CDPF1: variants seen among roughly 807,000 people sequenced by gnomAD.
CDPF1 encodes cysteine-rich DPF motif domain-containing protein 1.
In CDPF1, 8 loss-of-function variants were observed where a neutral mutation model predicts 8.3. The ratio of observed to expected loss-of-function variants is 0.96; its 90% confidence interval spans 0.57 to 1.74. CDPF1 has a LOEUF of 1.74. Ranked by LOEUF, CDPF1 falls within the 40% of genes most tolerant of loss-of-function variation. The probability of loss-of-function intolerance (pLI) is 0.00; values close to 1 mark genes in which losing one functional copy is unlikely to be tolerated. For synonymous variants in CDPF1, 62 were observed against 62.9 expected, an observed-to-expected ratio of 0.99 and a Z score of 0.07; for missense variants, 151 against 155.3, an observed-to-expected ratio of 0.97 and a Z score of 0.15.
rs769790725 is a variant in CDPF1 at position 46,247,097 on chromosome 22, G to A, written c.225+13C>T. ...GCAAGGACAGGTGGCCCCAGCCCAC[G>A]CTGCTTACCCACCGGGCCCACACAC... On this transcript the variant is annotated intron_variant, in intron 3 of 3. Transcript: ENST00000314567. This position sits in a 1 kb window ranked among gnomAD's most constrained non-coding sequence, Gnocchi z 4.3. The A allele has an allele frequency of 5.6e-6, 9 of 1,602,364 alleles. No homozygotes were observed. Among genetic ancestry groups the A allele is most frequent in the South Asian group, 4.4e-5 (4 of 90,686 alleles).
In CDPF1 at chr22:46,248,099, C is replaced by T; in HGVS notation, c.113+73G>A. 1 of 1,035,200 alleles carries T rather than the reference C, an allele frequency of 9.7e-7. No individual in the cohort carries two copies. The highest frequency in any genetic ancestry group is 1.5e-6 in the Non-Finnish European group (1 of 680,846). 64.1% of individuals were successfully genotyped at this position (1,035,200 alleles called of 1,614,324 possible). A position where few individuals can be genotyped will look rare whatever the true frequency, so the allele number is the denominator to read the frequency against. ...CTCCACACCTGAGACAGTTGTCAGA[C>T]CTAGGCACACCACCCACCAACCAGC... is the stretch of plus-strand genomic sequence containing the variant. On this transcript the variant is annotated intron_variant, in intron 2 of 3. Coordinates refer to ENST00000314567, the MANE Select transcript of CDPF1 (RefSeq NM_207327.5). The surrounding 1 kb of genome is among the most constrained non-coding windows in gnomAD (Gnocchi z 4.1).
Position 46,247,277 on chromosome 22 carries a change from C to A in CDPF1, c.114-56G>T. ...GCCCAAATCTCTGCCGTCGGAAAAT[C>A]AGCCATGACCTATGGCCAGGCAGCA... On this transcript the variant is annotated intron_variant, in intron 2 of 3. Coordinates refer to ENST00000314567, the MANE Select transcript of CDPF1 (RefSeq NM_207327.5). The surrounding 1 kb of genome is among the most constrained non-coding windows in gnomAD (Gnocchi z 4.3). 8.2e-7 allele frequency: 1 copy of A among 1,218,626 alleles called. No individual in the cohort carries two copies. Among genetic ancestry groups the A allele is most frequent in the East Asian group, 2.4e-5 (1 of 41,000 alleles). The allele number at this position is 1,218,626 out of a possible 1,614,324, so 75.5% of individuals were successfully genotyped here.
chr22:46,248,658 A>G lies in CDPF1; in HGVS notation c.1-374T>C, dbSNP rs1936529136. Among the ~76,000 whole-genome samples, 1 of 152,094 alleles carries G rather than the reference A, an allele frequency of 6.6e-6. No individual in the cohort carries two copies. Among genetic ancestry groups the G allele is most frequent in the Admixed American group, 6.6e-5 (1 of 15,264 alleles). Reference sequence around the variant, plus strand: ...GAGAAGGGCCCAGAGTGGGTGCAAAATCTCCTGTTTCTGCTGCTCCTAGAA... The same window carrying G: ...GAGAAGGGCCCAGAGTGGGTGCAAAGTCTCCTGTTTCTGCTGCTCCTAGAA... On this transcript the variant is annotated intron_variant, in intron 1 of 3. Coordinates refer to ENST00000314567, the MANE Select transcript of CDPF1 (RefSeq NM_207327.5). The surrounding 1 kb of genome is among the most constrained non-coding windows in gnomAD (Gnocchi z 4.1).
Position 46,246,543 on chromosome 22 carries a change from G to A in CDPF1, c.225+567C>T. The A allele has an allele frequency of 1.7e-6, 2 of 1,178,116 alleles. No individual in the cohort carries two copies. Among genetic ancestry groups the A allele is most frequent in the Non-Finnish European group, 1.2e-6 (1 of 844,644 alleles). The allele number at this position is 1,178,116 out of a possible 1,614,324, so 73.0% of individuals were successfully genotyped here. A position where few individuals can be genotyped will look rare whatever the true frequency, so the allele number is the denominator to read the frequency against. ...TCACTCTGAGTACACTGGGCACGCT[G>A]TGAAAGCCATGCTGCTCCACTTCCA... On this transcript the variant is annotated intron_variant, in intron 3 of 3. Transcript: ENST00000314567. This position sits in a 1 kb window ranked among gnomAD's most constrained non-coding sequence, Gnocchi z 7.1.
rs780434078 is a variant in CDPF1 at position 46,246,841 on chromosome 22, T to C, written c.225+269A>G. ...CTGGTGAGAGGGCGCACAAGGACTG[T>C]CTGCACTGTTGGTGGGAAGGGGAGG... On this transcript the variant is annotated intron_variant, in intron 3 of 3. Coordinates refer to ENST00000314567, the MANE Select transcript of CDPF1 (RefSeq NM_207327.5). This position sits in a 1 kb window ranked among gnomAD's most constrained non-coding sequence, Gnocchi z 7.1. 7 of 1,548,980 alleles carry C rather than the reference T, an allele frequency of 4.5e-6. No homozygotes were observed. The highest frequency in any genetic ancestry group is 6.1e-6 in the Non-Finnish European group (7 of 1,146,854).
In CDPF1 at chr22:46,249,763, T is replaced by C. The variant is rs1424971326; in HGVS notation, c.-1+493A>G. Among the ~76,000 whole-genome samples, 6 of 68,510 alleles carry C rather than the reference T, an allele frequency of 8.8e-5. No homozygotes were observed. The highest frequency in any genetic ancestry group is 3.4e-4 in the African/African-American group (6 of 17,394). 44.9% of individuals were successfully genotyped at this position (68,510 alleles called of 152,430 possible). A position where few individuals can be genotyped will look rare whatever the true frequency, so the allele number is the denominator to read the frequency against. ...GTAGGAGAATCGCTTGAGCGGGGGG[T>C]TGGGGAGCGGGGGCTGGGGGGGCGG... On this transcript the variant is annotated intron_variant, in intron 1 of 3. Transcript: ENST00000314567. The surrounding 1 kb of genome is among the most constrained non-coding windows in gnomAD (Gnocchi z 4.6).
At position 46,245,454 on chromosome 22, in the gene CDPF1, T is replaced by C. The variant is rs541721060; in HGVS notation, c.226-216A>G. ...AAAGCAATGCAGGCCTGGGCTACCC[T>C]GGGTGGGAACAGCTGGGATGGGACA... is the stretch of plus-strand genomic sequence containing the variant. On this transcript the variant is annotated intron_variant, in intron 3 of 3. Coordinates refer to ENST00000314567, the MANE Select transcript of CDPF1 (RefSeq NM_207327.5). The surrounding 1 kb of genome is among the most constrained non-coding windows in gnomAD (Gnocchi z 6.9). Among the ~76,000 whole-genome samples the C allele has an allele frequency of 1.1e-4, 17 of 152,160 alleles. No homozygotes were observed. Among genetic ancestry groups the C allele is most frequent in the Non-Finnish European group, 2.4e-4 (16 of 68,016 alleles).
rs77100661 is a variant in CDPF1 at position 46,246,802 on chromosome 22, A to T, written c.225+308T>A. Reference sequence around the variant, plus strand: ...GAGATCCCTCCAAGAACATCTAGAAAGTAAGTCACCATCCTGGTGAGAGGG... The same window carrying T: ...GAGATCCCTCCAAGAACATCTAGAATGTAAGTCACCATCCTGGTGAGAGGG... On this transcript the variant is annotated intron_variant, in intron 3 of 3. Transcript: ENST00000314567. This position sits in a 1 kb window ranked among gnomAD's most constrained non-coding sequence, Gnocchi z 7.1. The T allele has an allele frequency of 4.6e-4, 730 of 1,584,714 alleles. 5 individuals carry two copies. The African/African-American group carries it at 8.9e-3, about 19-fold the overall frequency.
rs1569266796 is a variant in CDPF1, at chr22:46,249,023, C to A, written c.1-739G>T. On this transcript the variant is annotated intron_variant, in intron 1 of 3. Coordinates refer to ENST00000314567, the MANE Select transcript of CDPF1 (RefSeq NM_207327.5). This position sits in a 1 kb window ranked among gnomAD's most constrained non-coding sequence, Gnocchi z 4.6. ...GACAGCGAGACTCCATCTCAAAAAA[C>A]AAACAAACAAAAAAACTGTTTTCTT... is the stretch of plus-strand genomic sequence containing the variant. Among the ~76,000 whole-genome samples, 1 of 151,882 alleles carries A rather than the reference C, an allele frequency of 6.6e-6. No individual in the cohort carries two copies.
chr22:46,248,235 A>C lies in CDPF1; in HGVS notation c.50T>G (p.Leu17Arg), dbSNP rs770424793. The C allele has an allele frequency of 4.3e-6, 7 of 1,613,800 alleles. No individual in the cohort carries two copies. In the Admixed American group the frequency reaches 5.0e-5, roughly 12 times the overall value. The stretch of plus-strand genomic sequence containing the variant: ...GCTGTACGGAGCTGTCAAGGTACAG[A>C]GTTCACACTCAAACACTCCCAGAGG... ...CRPLGVFECE[L>R]CTLTAPYSYV... Residue 17 changes from leucine (L) to arginine (R), a missense_variant, in exon 2 of 4, where the codon CTC (leucine) becomes CGC (arginine). By Grantham distance (102) the Leu-to-Arg change is moderately radical (BLOSUM62 -2). Coordinates refer to ENST00000314567, the MANE Select transcript of CDPF1 (RefSeq NM_207327.5). The surrounding 1 kb of genome is among the most constrained non-coding windows in gnomAD (Gnocchi z 4.1).
chr22:46,248,145 G>A lies in CDPF1; in HGVS notation c.113+27C>T. The A allele has an allele frequency of 6.5e-7, 1 of 1,546,056 alleles. No individual in the cohort carries two copies. The highest frequency in any genetic ancestry group is 8.9e-7 in the Non-Finnish European group (1 of 1,121,576). ...CCAGCACTGGGCACAGGCCTCCCCG[G>A]CACTGGCCCAAAAGGCATGCACTCA... On this transcript the variant is annotated intron_variant, in intron 2 of 3. Coordinates refer to ENST00000314567, the MANE Select transcript of CDPF1 (RefSeq NM_207327.5). This position sits in a 1 kb window ranked among gnomAD's most constrained non-coding sequence, Gnocchi z 4.1.
rs1260783977 is a variant in CDPF1 at position 46,246,308 on chromosome 22, C to T, written c.225+802G>A. On this transcript the variant is annotated intron_variant, in intron 3 of 3. Transcript: ENST00000314567. The surrounding 1 kb of genome is among the most constrained non-coding windows in gnomAD (Gnocchi z 7.1). ...GCCAAGGTGTTGCATTCAAGACCTC[C>T]ACCTCCCCACCTGGCCCACCCACCT... Among the ~76,000 whole-genome samples, 1 of 151,972 alleles carries T rather than the reference C, an allele frequency of 6.6e-6. No individual in the cohort carries two copies. The highest frequency in any genetic ancestry group is 2.4e-5 in the African/African-American group (1 of 41,356).
chr22:46,244,656 G>C lies in CDPF1; in HGVS notation c.*436C>G, dbSNP rs1936456921. On this transcript the variant is annotated 3_prime_UTR_variant, in exon 4 of 4. Transcript: ENST00000314567. This position sits in a 1 kb window ranked among gnomAD's most constrained non-coding sequence, Gnocchi z 6.7. ...CAGACTGGGTCCAGAAGGAGCTGCT[G>C]TCAGTGATTTTCCTTACAGAGAGAC... is the stretch of plus-strand genomic sequence containing the variant. 2 of 171,532 alleles carry C rather than the reference G, an allele frequency of 1.2e-5. No homozygotes were observed. Among genetic ancestry groups the C allele is most frequent in the African/African-American group, 2.4e-5 (1 of 41,926 alleles). The allele number at this position is 171,532 out of a possible 1,614,324, so 10.6% of individuals were successfully genotyped here.
rs1438729267 is a variant in CDPF1 at position 46,246,947 on chromosome 22, T to G, written c.225+163A>C. Among the ~76,000 whole-genome samples the G allele has an allele frequency of 2.0e-5, 3 of 152,146 alleles. No individual in the cohort carries two copies. The highest frequency in any genetic ancestry group is 7.2e-5 in the African/African-American group (3 of 41,426). On this transcript the variant is annotated intron_variant, in intron 3 of 3. Transcript: ENST00000314567. This position sits in a 1 kb window ranked among gnomAD's most constrained non-coding sequence, Gnocchi z 7.1. ...CTACACCAGGCTGAGACCCTCTAAC[T>G]GACCCTAGCTTGCCCTCTCACCTCT...
Position 46,248,340 on chromosome 22 carries a change from C to T in CDPF1, c.1-56G>A, listed in dbSNP as rs1936524471. The T allele has an allele frequency of 8.7e-7, 1 of 1,148,070 alleles. No individual in the cohort carries two copies. The highest frequency in any genetic ancestry group is 2.4e-5 in the East Asian group (1 of 41,000). 71.1% of individuals were successfully genotyped at this position (1,148,070 alleles called of 1,614,324 possible). A position where few individuals can be genotyped will look rare whatever the true frequency, so the allele number is the denominator to read the frequency against. On this transcript the variant is annotated intron_variant, in intron 1 of 3. Transcript: ENST00000314567. This position sits in a 1 kb window ranked among gnomAD's most constrained non-coding sequence, Gnocchi z 4.1. The stretch of plus-strand genomic sequence containing the variant: ...GTCACAGGCTTTCTCAGGAATCCTG[C>T]CCCTTTCCCAGCTATGAAGACCCTA...
At position 46,244,903 on chromosome 22, in the gene CDPF1, T is replaced by C; in HGVS notation, c.*189A>G. The C allele has an allele frequency of 1.5e-6, 1 of 681,798 alleles. No homozygotes were observed. The highest frequency in any genetic ancestry group is 2.4e-6 in the Non-Finnish European group (1 of 414,746). 42.2% of individuals were successfully genotyped at this position (681,798 alleles called of 1,614,324 possible). Reference sequence around the variant, plus strand: ...TCTGGCATCTGCCTTTGGACTACCCTCTTGCTACAGCTCCCTGGGCCTGTG... The same window carrying C: ...TCTGGCATCTGCCTTTGGACTACCCCCTTGCTACAGCTCCCTGGGCCTGTG... On this transcript the variant is annotated 3_prime_UTR_variant, in exon 4 of 4. Transcript: ENST00000314567. This position sits in a 1 kb window ranked among gnomAD's most constrained non-coding sequence, Gnocchi z 6.7.
In CDPF1 at chr22:46,246,536, G is replaced by A; in HGVS notation, c.225+574C>T. The A allele has an allele frequency of 9.5e-7, 1 of 1,055,448 alleles. No homozygotes were observed. Among genetic ancestry groups the A allele is most frequent in the African/African-American group, 1.6e-5 (1 of 62,588 alleles). The allele number at this position is 1,055,448 out of a possible 1,614,324, so 65.4% of individuals were successfully genotyped here. A position where few individuals can be genotyped will look rare whatever the true frequency, so the allele number is the denominator to read the frequency against. The stretch of plus-strand genomic sequence containing the variant: ...TCTGGGGTCACTCTGAGTACACTGG[G>A]CACGCTGTGAAAGCCATGCTGCTCC... On this transcript the variant is annotated intron_variant, in intron 3 of 3. Transcript: ENST00000314567. This position sits in a 1 kb window ranked among gnomAD's most constrained non-coding sequence, Gnocchi z 7.1.
At position 46,245,106 on chromosome 22, in the gene CDPF1, C is replaced by A; in HGVS notation, c.358G>T (p.Gly120Cys). The change falls in exon 4 of 4, where the codon GGT becomes TGT. Residue 120 changes from glycine to cysteine, a missense_variant. Physicochemically the swap from Gly to Cys is radical, Grantham distance 159. Transcript: ENST00000314567. This position sits in a 1 kb window ranked among gnomAD's most constrained non-coding sequence, Gnocchi z 6.9. ...CCCAGTTGCACTCACGTCCGAGAACCGGGCTGGCTGGGGGTCCTCTTTGAT... is the reference window on the plus strand; with the variant it reads ...CCCAGTTGCACTCACGTCCGAGAACAGGGCTGGCTGGGGGTCCTCTTTGAT... ...APSKRTPSQP[G>C]SRT is the part of the protein sequence containing the mutation. The A allele has an allele frequency of 6.2e-7, 1 of 1,614,208 alleles. No individual in the cohort carries two copies. The highest frequency in any genetic ancestry group is 8.5e-7 in the Non-Finnish European group (1 of 1,180,010).
rs1259043176 is a variant in CDPF1 at position 46,249,355 on chromosome 22, AAAGTT to A, written c.-1+896_-1+900del. ...GAAGCATGGGTTACCAGTGACTTTA[AAAGTT>A]AAGTCTGGCCCGGTGTGGTTGCTCA... is the stretch of plus-strand genomic sequence containing the variant. On this transcript the variant is annotated intron_variant, in intron 1 of 3. Transcript: ENST00000314567. The surrounding 1 kb of genome is among the most constrained non-coding windows in gnomAD (Gnocchi z 4.6). Among the ~76,000 whole-genome samples, 2 of 152,230 alleles carry A rather than the reference AAAGTT, an allele frequency of 1.3e-5. No individual in the cohort carries two copies. Among genetic ancestry groups the A allele is most frequent in the Admixed American group, 1.3e-4 (2 of 15,290 alleles).
Sources: gnomAD v4.1 joint callset for allele counts (sites outside exome capture counted in the v4.1 genomes callset) on GRCh38, gnomAD v4.1.1 for gene constraint, Gnocchi (gnomAD v3.1) non-coding constraint, MANE v1.5 for transcripts, NCBI Gene and HGNC (gene_info 2026-07-23, HGNC 2026-07-21) for gene names.